Variants in SHANK2 observed in about 807,000 individuals in gnomAD.
SHANK2 encodes the protein SH3 and multiple ankyrin repeat domains 2.
A neutral mutation model predicts 133.7 loss-of-function variants in SHANK2; 43 were observed. That is an observed-to-expected ratio of 0.32 (90% CI 0.25 to 0.41). SHANK2 has a LOEUF of 0.41. Among genes scored for constraint, SHANK2 ranks in the 10% least tolerant of loss-of-function variants. The pLI is 1.00. For missense variants in SHANK2, 1,994 were observed against 2,235.8 expected, an observed-to-expected ratio of 0.89 and a Z score of 2.18; for synonymous variants, 1,017 against 952.8, an observed-to-expected ratio of 1.07 and a Z score of -1.24.
intron 11 of SHANK2, among the ~76,000 whole-genome samples, chr11:70,856,531 G>A (rs1949175162): frequency 6.6e-6 from 1 of 152,102 alleles, no homozygotes; most frequent in Non-Finnish European, 1.5e-5. Context: ...ATGGATGGGA[G>A]GATGGGAGGT....
chr11:71,234,400 A>C (rs1555123398), intron 1 of SHANK2, among the ~76,000 whole-genome samples: 1 of 148,410 alleles, frequency 6.7e-6, no homozygotes, highest in African/African-American at 2.6e-5. Flanking sequence ...TAAATAAATA[A>C]ATAACAACAA....
intron 17 of SHANK2, among the ~76,000 whole-genome samples, chr11:70,575,859 A>G (rs2060109520): frequency 6.6e-6 from 1 of 151,754 alleles, no homozygotes; most frequent in Non-Finnish European, 1.5e-5. Context: ...AGCTCCTGTG[A>G]GGTTCCTCGG....
chr11:70,763,956 A>T (rs1463014124), intron 14 of SHANK2, among the ~76,000 whole-genome samples: 3 of 152,172 alleles, frequency 2.0e-5, no homozygotes, highest in Admixed American at 2.0e-4. Context: ...CTGACATGAA[A>T]TCATACCACA....
At chr11:71,128,177 C>T (rs1329215223) in intron 3 of SHANK2, among the ~76,000 whole-genome samples, 8 of 152,188 alleles carry the variant, frequency 5.3e-5, no homozygotes, top group Non-Finnish European at 8.8e-5. Flanking sequence ...CCTTGCATTT[C>T]CTGTCTCCCA....
rs563260383 is a variant in SHANK2 at position 71,214,657 on chromosome 11, A to C, written c.-13+10040T>G. Among the ~76,000 whole-genome samples, 3 of 152,342 alleles carry C rather than the reference A, an allele frequency of 2.0e-5. No individual in the cohort carries two copies. In the South Asian group the frequency reaches 6.2e-4, roughly 32 times the overall value. ...CCAGAAGCTAACTGGAGTCAGGCCAAGGGGGCATCACTGTCAGACCCTTGG... is the reference window on the plus strand; with the variant it reads ...CCAGAAGCTAACTGGAGTCAGGCCACGGGGGCATCACTGTCAGACCCTTGG... On this transcript the variant is annotated intron_variant, in intron 2 of 25. Coordinates refer to ENST00000601538, the MANE Select transcript of SHANK2 (RefSeq NM_012309.5).
chr11:70,545,020 G>A (rs1288081211), intron 17 of SHANK2, among the ~76,000 whole-genome samples: 1 of 152,180 alleles, frequency 6.6e-6, no homozygotes, highest in Admixed American at 6.5e-5. Context: ...TGCCAAGCAC[G>A]GGCACAGGAT....
At chr11:70,868,466 A>G (rs1555069538) in intron 11 of SHANK2, among the ~76,000 whole-genome samples, 1 of 152,220 alleles carries the variant, frequency 6.6e-6, no homozygotes, top group African/African-American at 2.4e-5. Context: ...GCACGAGGCT[A>G]TTGACTATTA....
chr11:71,237,574 A>G (rs1954839937), intron 1 of SHANK2, among the ~76,000 whole-genome samples: 1 of 152,180 alleles, frequency 6.6e-6, no homozygotes, highest in Non-Finnish European at 1.5e-5. Flanking sequence ...CAACCTAAAG[A>G]TCACAAAGCC....
At chr11:70,839,922 C>T (rs1476150070) in intron 11 of SHANK2, among the ~76,000 whole-genome samples, 1 of 152,192 alleles carries the variant, frequency 6.6e-6, no homozygotes, top group African/African-American at 2.4e-5. Context: ...TCAGGCACCA[C>T]ATCTGCATCA....
chr11:70,483,082 C>G (rs1555152152), intron 25 of SHANK2, among the ~76,000 whole-genome samples: 1 of 152,172 alleles, frequency 6.6e-6, no homozygotes, highest in Admixed American at 6.5e-5. Context: ...GGATTCCTTC[C>G]TCCAGCCCTA....
chr11:71,115,701 G>C (rs782656269), intron 4 of SHANK2, among the ~76,000 whole-genome samples: 29 of 152,090 alleles, frequency 1.9e-4, no homozygotes, highest in Non-Finnish European at 3.7e-4. Context: ...TGGCTGGCTC[G>C]AGGTTGCACA....
intron 12 of SHANK2, among the ~76,000 whole-genome samples, chr11:70,808,744 AAAAC>A (rs1319875656): frequency 1.3e-5 from 2 of 152,068 alleles, no homozygotes; most frequent in African/African-American, 4.8e-5. Flanking sequence ...CAAAAAAACA[AAAAC>A]AAACAAATCC....
At chr11:70,502,735 G>A (rs1407815909) in intron 18 of SHANK2, 61 bp downstream of exon 18, 44 of 419,852 alleles carry the variant, frequency 1.0e-4, no homozygotes, top group African/African-American at 2.2e-4. Flanking sequence ...TGTCCTGCCC[G>A]CCCCCACCCC....
At chr11:70,734,902 G>C (rs1946369825) in intron 14 of SHANK2, among the ~76,000 whole-genome samples, 1 of 152,226 alleles carries the variant, frequency 6.6e-6, no homozygotes, top group South Asian at 2.1e-4. Context: ...CAAGAACAGA[G>C]TACAAGGCCC....
intron 11 of SHANK2, among the ~76,000 whole-genome samples, chr11:70,855,642 G>C (rs1565363524): frequency 6.6e-6 from 1 of 152,372 alleles, no homozygotes; most frequent in East Asian, 1.9e-4. Flanking sequence ...CGCTAAACCA[G>C]CAGACCCTGA....
chr11:70,674,985 A>G (rs1555016889), intron 15 of SHANK2, among the ~76,000 whole-genome samples: 2 of 152,236 alleles, frequency 1.3e-5, no homozygotes, highest in African/African-American at 4.8e-5. Flanking sequence ...AAAAGTCTCA[A>G]TCTTGCTGCA....
At chr11:71,062,661 C>T (rs904467638) in intron 9 of SHANK2, among the ~76,000 whole-genome samples, 26 of 152,116 alleles carry the variant, frequency 1.7e-4, no homozygotes, top group Admixed American at 3.9e-4. Context: ...GACACTCTTC[C>T]CCATCTCCTC....
At chr11:71,103,140 G>T (rs1951744883) in intron 6 of SHANK2, among the ~76,000 whole-genome samples, 1 of 152,194 alleles carries the variant, frequency 6.6e-6, no homozygotes, top group Non-Finnish European at 1.5e-5. Context: ...AGGGGGTTAG[G>T]GTTCAACAGT....
chr11:70,827,801 C>T (rs1948668281), intron 11 of SHANK2, among the ~76,000 whole-genome samples: 2 of 152,024 alleles, frequency 1.3e-5, no homozygotes, highest in South Asian at 4.2e-4. Context: ...ATGGTTGACA[C>T]ACTTTGTGTC....
Sources: allele counts gnomAD v4.1 joint callset (sites outside exome capture counted in the v4.1 genomes callset), GRCh38; gene constraint gnomAD v4.1.1; transcripts MANE v1.5; gene names NCBI Gene and HGNC (gene_info 2026-07-23, HGNC 2026-07-21).